SLC39A11: variants seen among roughly 807,000 people sequenced by gnomAD.
SLC39A11 encodes the protein zinc transporter ZIP11.
A neutral mutation model predicts 36.1 loss-of-function variants in SLC39A11; 33 were observed. That is an observed-to-expected ratio of 0.91 (90% confidence interval 0.69 to 1.22). The LOEUF (loss-of-function observed/expected upper bound fraction) is 1.22. Ranked by LOEUF, SLC39A11 falls within the 50% of genes most tolerant of loss-of-function variation. The probability of loss-of-function intolerance (pLI) is 0.00; values close to 1 mark genes in which losing one functional copy is unlikely to be tolerated. For synonymous variants in SLC39A11, 166 were observed against 170.3 expected (o/e 0.97, Z 0.20); for missense variants, 432 against 430.3 (o/e 1.00, Z -0.03).
intron 4 of SLC39A11, among the ~76,000 whole-genome samples, chr17:72,996,606 T>A (rs2089521191): frequency 6.6e-6 from 1 of 152,180 alleles, no homozygotes; most frequent in Admixed American, 6.5e-5. Context: ...GGCCATCTCC[T>A]TTGTGTCTTT....
intron 6 of SLC39A11, among the ~76,000 whole-genome samples, chr17:72,754,051 T>TACAC (rs58802713): frequency 0.02 from 2,169 of 107,750 alleles, 49 homozygotes; most frequent in Non-Finnish European, 0.027. Context: ...TATATACACA[T>TACAC]ACACACACAC....
chr17:72,776,150 C>T (rs1232883156), intron 6 of SLC39A11, among the ~76,000 whole-genome samples: 4 of 152,294 alleles, frequency 2.6e-5, no homozygotes, highest in South Asian at 4.2e-4. Flanking sequence ...GGATTGGAGG[C>T]GCCACCCCAG....
chr17:72,808,081 A>G (rs1448876668), intron 6 of SLC39A11, among the ~76,000 whole-genome samples: 2 of 152,154 alleles, frequency 1.3e-5, no homozygotes, highest in East Asian at 1.9e-4. Context: ...TTTGCTGGCC[A>G]TAAGTTCTGT....
At chr17:73,001,631 G>C (rs2089829802) in intron 4 of SLC39A11, among the ~76,000 whole-genome samples, 1 of 152,090 alleles carries the variant, frequency 6.6e-6, no homozygotes, top group East Asian at 1.9e-4. Flanking sequence ...AACAGAAACA[G>C]AGAAATAGGA....
At chr17:72,859,968 A>G (rs2079873251) in intron 5 of SLC39A11, among the ~76,000 whole-genome samples, 1 of 132,270 alleles carries the variant, frequency 7.6e-6, no homozygotes, top group Non-Finnish European at 1.6e-5. Context: ...AGCCTGGGCG[A>G]CAGAGTGAGA....
chr17:72,917,026 T>G (rs1183099046), intron 5 of SLC39A11, among the ~76,000 whole-genome samples: 1 of 152,246 alleles, frequency 6.6e-6, no homozygotes. Context: ...CGTCATGATT[T>G]ACTGGGGGAT....
chr17:72,733,323 T>C (rs544183212), intron 7 of SLC39A11, among the ~76,000 whole-genome samples: 7 of 152,354 alleles, frequency 4.6e-5, no homozygotes, highest in African/African-American at 1.7e-4. Flanking sequence ...ACCATGTTAC[T>C]GGAAGTACTA....
chr17:72,715,018 C>T (rs1014005731), intron 7 of SLC39A11, among the ~76,000 whole-genome samples: 1 of 152,210 alleles, frequency 6.6e-6, no homozygotes, highest in Non-Finnish European at 1.5e-5. Flanking sequence ...ACAATTTTTC[C>T]TCTCGTGATG....
chr17:72,810,834 C>T (rs147188225), intron 6 of SLC39A11, among the ~76,000 whole-genome samples: 1 of 152,122 alleles, frequency 6.6e-6, no homozygotes, highest in East Asian at 1.9e-4. Flanking sequence ...TATAGGTGCA[C>T]ACCACTACAT....
chr17:72,914,849 C>G (rs1567944542), intron 5 of SLC39A11, among the ~76,000 whole-genome samples: 1 of 119,860 alleles, frequency 8.3e-6, no homozygotes. Context: ...GCCTGGGCGA[C>G]AGAGCCAGAC....
At chr17:72,698,831 C>CT (rs994446039) in intron 7 of SLC39A11, among the ~76,000 whole-genome samples, 2 of 151,956 alleles carry the variant, frequency 1.3e-5, no homozygotes, top group Non-Finnish European at 2.9e-5. Flanking sequence ...GAGGTTGGTT[C>CT]TTTTTTTGTT....
chr17:72,733,440 CATGA>C (rs368115151), intron 7 of SLC39A11, among the ~76,000 whole-genome samples: 5 of 152,030 alleles, frequency 3.3e-5, no homozygotes, highest in African/African-American at 1.2e-4. Context: ...AGAACGGGTG[CATGA>C]ATGAATGAAT....
At chr17:72,743,290 TACA>T (rs1194968886) in intron 6 of SLC39A11, among the ~76,000 whole-genome samples, 2 of 152,158 alleles carry the variant, frequency 1.3e-5, no homozygotes, top group Non-Finnish European at 2.9e-5. Flanking sequence ...TTCCCCCAGC[TACA>T]ACATGGCCCC....
intron 5 of SLC39A11, among the ~76,000 whole-genome samples, chr17:72,902,149 T>TAATCCCAGC (rs1227933732): frequency 6.6e-6 from 1 of 151,980 alleles, no homozygotes; most frequent in Non-Finnish European, 1.5e-5. Context: ...CACACGCCTG[T>TAATCCCAGC]AATCCCAGCT....
At chr17:72,852,673 CAT>C (rs940232774) in intron 5 of SLC39A11, among the ~76,000 whole-genome samples, 10 of 152,218 alleles carry the variant, frequency 6.6e-5, no homozygotes, top group African/African-American at 2.4e-4. Flanking sequence ...TATGTATGCA[CAT>C]GTGTGCACTT....
chr17:72,890,887 G>A (rs2081705152), intron 5 of SLC39A11, among the ~76,000 whole-genome samples: 1 of 152,106 alleles, frequency 6.6e-6, no homozygotes, highest in Non-Finnish European at 1.5e-5. Flanking sequence ...GATGTCACCA[G>A]AAAGGAAGGA....
At chr17:72,918,300 T>A (rs2083446411) in intron 5 of SLC39A11, among the ~76,000 whole-genome samples, 1 of 152,100 alleles carries the variant, frequency 6.6e-6, no homozygotes, top group African/African-American at 2.4e-5. Flanking sequence ...TCCCAACTAC[T>A]CAGGAGTCTG....
At chr17:72,978,226 C>T (rs2088012795) in intron 4 of SLC39A11, among the ~76,000 whole-genome samples, 1 of 152,120 alleles carries the variant, frequency 6.6e-6, no homozygotes, top group Non-Finnish European at 1.5e-5. Flanking sequence ...TCCTTCCTTC[C>T]TCTTTCCCTT....
chr17:72,701,605 G>A (rs974030803), intron 7 of SLC39A11, among the ~76,000 whole-genome samples: 2 of 151,712 alleles, frequency 1.3e-5, no homozygotes, highest in South Asian at 2.1e-4. Flanking sequence ...GTGCATGCCT[G>A]TAGTCCCAGC....
Sources: gnomAD v4.1 joint callset for allele counts (sites outside exome capture counted in the v4.1 genomes callset) on GRCh38, gnomAD v4.1.1 for gene constraint, MANE v1.5 for transcripts, NCBI Gene and HGNC (gene_info 2026-07-23, HGNC 2026-07-21) for gene names.